XPO6: variants seen among roughly 807,000 people sequenced by gnomAD.
The protein encoded by XPO6 is exportin 6.
A neutral mutation model predicts 130.0 loss-of-function variants in XPO6; 3 were observed. The observed-to-expected ratio is 0.02, with a 90% CI of 0.01 to 0.06. The LOEUF is 0.06. XPO6 is among the 10% of genes least tolerant of loss of function. The probability of loss-of-function intolerance (pLI) is 1.00; values close to 1 mark genes in which losing one functional copy is unlikely to be tolerated. For missense variants in XPO6, 970 were observed against 1,393.0 expected, an observed-to-expected ratio of 0.70 and a Z score of 4.83; for synonymous variants, 524 against 548.9, an observed-to-expected ratio of 0.95 and a Z score of 0.63.
rs1042429038 is a variant in XPO6, at chr16:28,211,915, C to G, written c.-547G>C. ...TGCGCGCGCCCGCCCTGGAGCCGCC[C>G]GCTAGTACCGCGCGGCCGCCCCCGA... On this transcript the variant is annotated 5_prime_UTR_variant, in exon 1 of 24. Transcript: ENST00000304658. 1 of 153,864 alleles carries G rather than the reference C, an allele frequency of 6.5e-6. No homozygotes were observed. Among genetic ancestry groups the G allele is most frequent in the Non-Finnish European group, 1.4e-5 (1 of 69,352 alleles). The allele number at this position is 153,864 out of a possible 1,614,324, so 9.5% of individuals were successfully genotyped here.
rs757213036 is a variant in XPO6 at position 28,156,082 on chromosome 16, G to A, written c.1089C>T (p.Leu363=). ...ACACTTGGTTTCATTACCTCTCATCGAGCTCTTCTAGCCTGCTCTTCACTG... is the reference window on the plus strand; with the variant it reads ...ACACTTGGTTTCATTACCTCTCATCAAGCTCTTCTAGCCTGCTCTTCACTG... ...AHTVKSRLEE[L]DESYIEKFTD... The change falls in exon 7 of 24, where the codon CTC becomes CTT. Residue 363 remains leucine (L), a synonymous_variant. Transcript: ENST00000304658. The A allele has an allele frequency of 1.6e-5, 26 of 1,599,214 alleles. No homozygotes were observed. The highest frequency in any genetic ancestry group is 5.6e-5 in the South Asian group (5 of 88,770).
intron 6 of XPO6, 44 bp from the exon 7 acceptor site, chr16:28,156,571 T>G: frequency 4.5e-5 from 64 of 1,432,552 alleles, no homozygotes; most frequent in Non-Finnish European, 5.4e-5. Flanking sequence ...ATCAAATCTC[T>G]TACAAATGAC....
chr16:28,174,474 G>A (rs533194991), intron 4 of XPO6, among the ~76,000 whole-genome samples: 30 of 152,274 alleles, frequency 2.0e-4, no homozygotes, highest in Non-Finnish European at 3.7e-4. Context: ...TAAATTCCAG[G>A]AAGGCAGGGA....
intron 13 of XPO6, among the ~76,000 whole-genome samples, chr16:28,122,059 A>G (rs2087256206): frequency 6.6e-6 from 1 of 152,142 alleles, no homozygotes; most frequent in Non-Finnish European, 1.5e-5. Flanking sequence ...CCATGCTTAG[A>G]GGCATATTTA....
rs199513825 is a variant in XPO6, at chr16:28,117,495, G to T, written c.1860-33C>A. ...AAGAAAAGAAGATGTGATTTTAAAG[G>T]TTAAGGTGAAAATATATTAGCGTTC... is the stretch of plus-strand genomic sequence containing the variant. On this transcript the variant is annotated intron_variant, in intron 14 of 23. Transcript: ENST00000304658. The T allele has an allele frequency of 1.6e-3, 2,642 of 1,605,728 alleles. 7 individuals are homozygous for T. The highest frequency in any genetic ancestry group is 2.6e-3 in the South Asian group (235 of 90,860).
At chr16:28,130,459 T>C (rs1173256838) in intron 12 of XPO6, among the ~76,000 whole-genome samples, 1 of 152,218 alleles carries the variant, frequency 6.6e-6, no homozygotes, top group Non-Finnish European at 1.5e-5. Context: ...TAAATGGCTA[T>C]GGGAACCAGG....
chr16:28,130,712 G>A (rs996773701), intron 12 of XPO6, among the ~76,000 whole-genome samples: 1 of 152,158 alleles, frequency 6.6e-6, no homozygotes, highest in African/African-American at 2.4e-5. Flanking sequence ...CAGTAAACAG[G>A]CTTTAGTGAA....
intron 17 of XPO6, among the ~76,000 whole-genome samples, chr16:28,108,749 C>G (rs779035168): frequency 6.6e-6 from 1 of 152,226 alleles, no homozygotes; most frequent in African/African-American, 2.4e-5. Flanking sequence ...CAGTGCTCAG[C>G]AGCCTCTGTG....
At position 28,161,554 on chromosome 16, in the gene XPO6, A is replaced by C. The variant is rs556073815; in HGVS notation, c.643+4954T>G. Among the ~76,000 whole-genome samples the C allele has an allele frequency of 2.0e-5, 3 of 152,288 alleles. No homozygotes were observed. In the South Asian group the frequency reaches 6.2e-4, roughly 32 times the overall value. On this transcript the variant is annotated intron_variant, in intron 6 of 23. Coordinates refer to ENST00000304658, the MANE Select transcript of XPO6 (RefSeq NM_015171.4). ...GCATGTGGCTCAGAAGACTTTTTCC[A>C]GAATGGATGCTAAAAGGAAAAAAAA...
At chr16:28,180,621 C>T (rs933570638) in intron 2 of XPO6, among the ~76,000 whole-genome samples, 3 of 152,108 alleles carry the variant, frequency 2.0e-5, no homozygotes, top group African/African-American at 7.2e-5. Context: ...CACTTGAGGC[C>T]AGGAGTTCAA....
chr16:28,127,863 A>G (rs1388190725), intron 12 of XPO6, among the ~76,000 whole-genome samples: 1 of 152,228 alleles, frequency 6.6e-6, no homozygotes, highest in Non-Finnish European at 1.5e-5. Context: ...GACCTGTCCC[A>G]AATCACCTGG....
chr16:28,106,046 G>T lies in XPO6; in HGVS notation c.2781C>A (p.Ala927=), dbSNP rs781418113. 2 of 1,613,412 alleles carry T rather than the reference G, an allele frequency of 1.2e-6. No homozygotes were observed. The highest frequency in any genetic ancestry group is 1.7e-6 in the Non-Finnish European group (2 of 1,179,412). Residue 927 remains alanine, a synonymous_variant, in exon 20 of 24, where the codon GCC becomes GCA. Transcript: ENST00000304658. The surrounding 1 kb of genome is among the most constrained non-coding windows in gnomAD (Gnocchi z 4.2). The part of the protein sequence containing the change: ...LCMEQVYPII[A]ERPSPDVKAE... ...AGGGGACCGTCTGAGCCCCTACCTC[G>T]GCAATGATGGGATACACTTGCTCCA...
At chr16:28,197,023 G>A (rs901924434) in intron 1 of XPO6, among the ~76,000 whole-genome samples, 6 of 152,088 alleles carry the variant, frequency 3.9e-5, no homozygotes, top group African/African-American at 1.2e-4. Flanking sequence ...AGGCCAAGGC[G>A]GGCAGATCAC....
chr16:28,107,828 A>C, intron 17 of XPO6, 151 bp from the exon 18 acceptor site: 1 of 878,436 alleles, frequency 1.1e-6, no homozygotes, highest in African/African-American at 1.7e-5. Flanking sequence ...TTACAATATA[A>C]ATTCTCCTCT....
chr16:28,133,271 A>G (rs1391625719), intron 11 of XPO6, among the ~76,000 whole-genome samples: 4 of 152,020 alleles, frequency 2.6e-5, no homozygotes, highest in Admixed American at 2.6e-4. Context: ...CAGTAGGTGG[A>G]GGTTGCAGTG....
chr16:28,107,559 G>A lies in XPO6; in HGVS notation c.2460C>T (p.Val820=). Residue 820 remains valine, a synonymous_variant, in exon 18 of 24, where the codon GTC becomes GTT. Transcript: ENST00000304658. Reference sequence around the variant, plus strand: ...TAAAAGCTGGAAAGAGGGCCAGGGAGACCTGAACAGATTCCTGCAGCGACT... The same window carrying A: ...TAAAAGCTGGAAAGAGGGCCAGGGAAACCTGAACAGATTCCTGCAGCGACT... ...CYQSLQESVQ[V]SLALFPAFIH... 6.2e-7 allele frequency: 1 copy of A among 1,614,208 alleles called. No homozygotes were observed. Among genetic ancestry groups the A allele is most frequent in the Non-Finnish European group, 8.5e-7 (1 of 1,180,026 alleles).
Position 28,144,235 on chromosome 16 carries a change from T to C in XPO6, c.1334+1859A>G, listed in dbSNP as rs544113567. Among the ~76,000 whole-genome samples the C allele has an allele frequency of 2.0e-5, 3 of 152,340 alleles. No homozygotes were observed. In the South Asian group the frequency reaches 6.2e-4, roughly 32 times the overall value. On this transcript the variant is annotated intron_variant, in intron 9 of 23. Coordinates refer to ENST00000304658, the MANE Select transcript of XPO6 (RefSeq NM_015171.4). ...TGAACGTACTACCTATAATCACACA[T>C]GTGACCTGACACCATAGCAACCTGG...
chr16:28,107,346 T>C (rs2086808009), intron 18 of XPO6, among the ~76,000 whole-genome samples, 176 bp downstream of exon 18: 1 of 152,236 alleles, frequency 6.6e-6, no homozygotes, highest in South Asian at 2.1e-4. Context: ...CCAAAGGGCC[T>C]TGGCCCTAGA....
intron 6 of XPO6, among the ~76,000 whole-genome samples, chr16:28,166,159 T>C (rs1310353345): frequency 6.6e-6 from 1 of 152,092 alleles, no homozygotes; most frequent in African/African-American, 2.4e-5. Context: ...ATATTCCTGT[T>C]CCTATGTCCT....
Sources: allele counts gnomAD v4.1 joint callset (sites outside exome capture counted in the v4.1 genomes callset), GRCh38; gene constraint gnomAD v4.1.1; non-coding constraint Gnocchi (gnomAD v3.1); transcripts MANE v1.5; gene names NCBI Gene and HGNC (gene_info 2026-07-23, HGNC 2026-07-21).